IL2RA: variants seen among roughly 807,000 people sequenced by gnomAD.
The protein encoded by IL2RA is interleukin-2 receptor subunit alpha.
IL2RA carries 24 observed loss-of-function variants against 37.8 expected under a neutral mutation model. That is an observed-to-expected ratio of 0.63 (90% CI 0.46 to 0.89). The LOEUF is 0.89. Among genes scored for constraint, IL2RA ranks in the 40% least tolerant of loss-of-function variants. The pLI is 0.00. For synonymous variants in IL2RA, 125 were observed against 114.6 expected, an observed-to-expected ratio of 1.09 and a Z score of -0.58; for missense variants, 319 against 348.6, an observed-to-expected ratio of 0.92 and a Z score of 0.68.
In IL2RA at chr10:6,047,458, T is replaced by C. The variant is rs1373691040; in HGVS notation, c.64+14630A>G. Among the ~76,000 whole-genome samples, 3 of 152,202 alleles carry C rather than the reference T, an allele frequency of 2.0e-5. No homozygotes were observed. The highest frequency in any genetic ancestry group is 7.2e-5 in the African/African-American group (3 of 41,444). On this transcript the variant is annotated intron_variant, in intron 1 of 7. Transcript: ENST00000379959. This position sits in a 1 kb window ranked among gnomAD's most constrained non-coding sequence, Gnocchi z 5.0. ...CTCTTCCTGCCTGTAGCATGCACCCTGTGCCTCCGGGCCACCAAAAACAGC... is the reference window on the plus strand; with the variant it reads ...CTCTTCCTGCCTGTAGCATGCACCCCGTGCCTCCGGGCCACCAAAAACAGC...
chr10:6,031,518 A>G (rs1213191297), intron 1 of IL2RA, among the ~76,000 whole-genome samples: 6 of 94,612 alleles, frequency 6.3e-5, no homozygotes, highest in African/African-American at 2.6e-4. Flanking sequence ...ATATGTATAT[A>G]TATGTATATA....
At position 6,033,837 on chromosome 10, in the gene IL2RA, A is replaced by C. The variant is rs1839639254; in HGVS notation, c.65-7812T>G. On this transcript the variant is annotated intron_variant, in intron 1 of 7. Transcript: ENST00000379959. The surrounding 1 kb of genome is among the most constrained non-coding windows in gnomAD (Gnocchi z 4.3). ...GATGAAAACGTTTTTGCAGCTGTAC[A>C]CATTTGTCAAAACTCATCAAATTGT... Among the ~76,000 whole-genome samples the C allele has an allele frequency of 6.6e-6, 1 of 152,250 alleles. No homozygotes were observed. Among genetic ancestry groups the C allele is most frequent in the Admixed American group, 6.5e-5 (1 of 15,284 alleles).
chr10:6,020,046 G>T lies in IL2RA; in HGVS notation c.584-105C>A. 1 of 934,890 alleles carries T rather than the reference G, an allele frequency of 1.1e-6. No individual in the cohort carries two copies. The highest frequency in any genetic ancestry group is 1.7e-6 in the Non-Finnish European group (1 of 573,374). 57.9% of individuals were successfully genotyped at this position (934,890 alleles called of 1,614,324 possible). A position where few individuals can be genotyped will look rare whatever the true frequency, so the allele number is the denominator to read the frequency against. On this transcript the variant is annotated intron_variant, in intron 4 of 7. Transcript: ENST00000379959. The surrounding 1 kb of genome is among the most constrained non-coding windows in gnomAD (Gnocchi z 5.6). ...GCCGGCCCCAGACACGCCCGAGGAG[G>T]CAGGAATCCTGGTGTGGGCACTTCG...
chr10:6,024,461 T>C lies in IL2RA; in HGVS notation c.257-107A>G, dbSNP rs150335219. ...AAGCACACCTGTCCAGGGCCCACGA[T>C]GTGTCTGGTGGTGTCTGGCTGCTGA... On this transcript the variant is annotated intron_variant, in intron 2 of 7. Coordinates refer to ENST00000379959, the MANE Select transcript of IL2RA (RefSeq NM_000417.3). 6.4e-5 allele frequency: 53 copies of C among 827,068 alleles called. No homozygotes were observed. In the Middle Eastern group the frequency reaches 1.5e-3, roughly 24 times the overall value. 51.2% of individuals were successfully genotyped at this position (827,068 alleles called of 1,614,324 possible).
intron 1 of IL2RA, among the ~76,000 whole-genome samples, chr10:6,045,892 A>G (rs1839847715): frequency 6.6e-6 from 1 of 152,202 alleles, no homozygotes; most frequent in African/African-American, 2.4e-5. Flanking sequence ...AAGAAGGAAA[A>G]AGAAAAAGTC....
In IL2RA at chr10:6,029,994, C is replaced by T. The variant is rs973998873; in HGVS notation, c.65-3969G>A. Reference sequence around the variant, plus strand: ...TGCTGGGATTACAGGTGTGAGCCACCGTGCCCAGCCAATATTTTTAAACAT... The same window carrying T: ...TGCTGGGATTACAGGTGTGAGCCACTGTGCCCAGCCAATATTTTTAAACAT... On this transcript the variant is annotated intron_variant, in intron 1 of 7. Transcript: ENST00000379959. This position sits in a 1 kb window ranked among gnomAD's most constrained non-coding sequence, Gnocchi z 4.6. 2.0e-4 allele frequency among the ~76,000 whole-genome samples: 30 copies of T among 152,212 alleles called. No individual in the cohort carries two copies. Among genetic ancestry groups the T allele is most frequent in the Admixed American group, 2.6e-4 (4 of 15,300 alleles).
intron 1 of IL2RA, among the ~76,000 whole-genome samples, chr10:6,040,433 A>C (rs4749924): frequency 0.22 from 34,162 of 152,178 alleles, 4,946 homozygotes; most frequent in Non-Finnish European, 0.32. Context: ...GATTGCTGCC[A>C]ACCAAATCAC....
chr10:6,016,297 G>A (rs1401312440), intron 7 of IL2RA, among the ~76,000 whole-genome samples: 1 of 152,062 alleles, frequency 6.6e-6, no homozygotes, highest in East Asian at 1.9e-4. Flanking sequence ...GATACATGGG[G>A]GCCCCTCGAC....
In IL2RA at chr10:6,056,205, T is replaced by C. The variant is rs1254972483; in HGVS notation, c.64+5883A>G. 6.6e-6 allele frequency among the ~76,000 whole-genome samples: 1 copy of C among 152,210 alleles called. No individual in the cohort carries two copies. Among genetic ancestry groups the C allele is most frequent in the Non-Finnish European group, 1.5e-5 (1 of 68,038 alleles). On this transcript the variant is annotated intron_variant, in intron 1 of 7. Transcript: ENST00000379959. The surrounding 1 kb of genome is among the most constrained non-coding windows in gnomAD (Gnocchi z 5.0). ...TTGGCTGACTTCAGAATGGGAGCCA[T>C]TCAGCAGCAGTTTCATCTCCCGTGT...
chr10:6,019,774 C>T, intron 5 of IL2RA, 96 bp downstream of exon 5: 1 of 1,164,588 alleles, frequency 8.6e-7, no homozygotes, highest in South Asian at 1.2e-5. Context: ...TTCTCCCCTA[C>T]AGGTCACCTC....
rs1839534594 is a variant in IL2RA at position 6,029,136 on chromosome 10, ATT to A, written c.65-3113_65-3112del. The stretch of plus-strand genomic sequence containing the variant: ...AGATTTGCTGCCATTTATTTTATTT[ATT>A]TATTTATTTATTTATTTATTTATTT... On this transcript the variant is annotated intron_variant, in intron 1 of 7. Coordinates refer to ENST00000379959, the MANE Select transcript of IL2RA (RefSeq NM_000417.3). The surrounding 1 kb of genome is among the most constrained non-coding windows in gnomAD (Gnocchi z 4.6). 5.6e-5 allele frequency among the ~76,000 whole-genome samples: 2 copies of A among 35,890 alleles called. No individual in the cohort carries two copies. The highest frequency in any genetic ancestry group is 2.3e-4 in the African/African-American group (2 of 8,670). The allele number at this position is 35,890 out of a possible 152,430, so 23.5% of individuals were successfully genotyped here. A position where few individuals can be genotyped will look rare whatever the true frequency, so the allele number is the denominator to read the frequency against.
intron 1 of IL2RA, among the ~76,000 whole-genome samples, chr10:6,026,403 C>T (rs181344606): frequency 6.6e-6 from 1 of 152,282 alleles, no homozygotes; most frequent in East Asian, 1.9e-4. Context: ...TATGTCTGTG[C>T]AAGATACTTT....
chr10:6,040,948 C>G (rs1260690215), intron 1 of IL2RA, among the ~76,000 whole-genome samples: 1 of 152,086 alleles, frequency 6.6e-6, no homozygotes, highest in African/African-American at 2.4e-5. Context: ...TCAGCAACAA[C>G]CAATCCAAAA....
intron 7 of IL2RA, among the ~76,000 whole-genome samples, chr10:6,013,387 CTT>C (rs1336872488): frequency 1.3e-5 from 2 of 152,300 alleles, no homozygotes; most frequent in Admixed American, 1.3e-4. Flanking sequence ...TTTAAATACA[CTT>C]AAGTATCCAC....
intron 3 of IL2RA, among the ~76,000 whole-genome samples, chr10:6,023,137 A>G (rs1839415824): frequency 6.6e-6 from 1 of 152,202 alleles, no homozygotes; most frequent in Non-Finnish European, 1.5e-5. Flanking sequence ...TCTTTTGTGC[A>G]TCTCAGTTTC....
At position 6,020,854 on chromosome 10, in the gene IL2RA, T is replaced by C. The variant is rs1208684199; in HGVS notation, c.583+624A>G. ...AGCCTGCATGTAAGTCACTTTTGAT[T>C]GTCGTGATACTAATAAGATTTCAGA... On this transcript the variant is annotated intron_variant, in intron 4 of 7. Transcript: ENST00000379959. This position sits in a 1 kb window ranked among gnomAD's most constrained non-coding sequence, Gnocchi z 5.6. Among the ~76,000 whole-genome samples the C allele has an allele frequency of 1.3e-5, 2 of 152,102 alleles. No individual in the cohort carries two copies. The highest frequency in any genetic ancestry group is 2.9e-5 in the Non-Finnish European group (2 of 68,004).
At chr10:6,045,587 A>C (rs769958984) in intron 1 of IL2RA, among the ~76,000 whole-genome samples, 5 of 152,200 alleles carry the variant, frequency 3.3e-5, no homozygotes. Context: ...AAGTTATCAG[A>C]TTTAAAAGGG....
chr10:6,037,473 A>G (rs950905165), intron 1 of IL2RA, among the ~76,000 whole-genome samples: 4 of 152,130 alleles, frequency 2.6e-5, no homozygotes, highest in Admixed American at 2.0e-4. Flanking sequence ...TCCTGTCCAT[A>G]TATCAGAACT....
chr10:6,026,140 G>T, intron 1 of IL2RA, 115 bp from the exon 2 acceptor site: 2 of 1,113,904 alleles, frequency 1.8e-6, no homozygotes, highest in Non-Finnish European at 2.6e-6. Flanking sequence ...AAGATGGTAT[G>T]CCCTACTTTT....
Sources: gnomAD v4.1 joint callset for allele counts (sites outside exome capture counted in the v4.1 genomes callset) on GRCh38, gnomAD v4.1.1 for gene constraint, Gnocchi (gnomAD v3.1) non-coding constraint, MANE v1.5 for transcripts, NCBI Gene and HGNC (gene_info 2026-07-23, HGNC 2026-07-21) for gene names.